RELN: variants seen among roughly 807,000 people sequenced by gnomAD.
The protein encoded by RELN is reelin.
RELN carries 108 observed loss-of-function variants against 427.6 expected under a neutral mutation model. The observed-to-expected ratio is 0.25, with a 90% CI of 0.22 to 0.30. The LOEUF (loss-of-function observed/expected upper bound fraction) is 0.30, where lower values mean the gene tolerates loss of function less well. Ranked by LOEUF, RELN falls within the 10% of genes least tolerant of loss-of-function variation. RELN has a pLI of 1.00. For synonymous variants in RELN, 1,524 were observed against 1,513.4 expected (o/e 1.01, Z -0.16); for missense variants, 3,715 against 4,302.8 (o/e 0.86, Z 3.82).
At chr7:103,846,647 A>G (rs1479157946) in intron 2 of RELN, among the ~76,000 whole-genome samples, 5 of 152,206 alleles carry the variant, frequency 3.3e-5, no homozygotes, top group East Asian at 1.9e-4. Context: ...GACAACCTAC[A>G]AAGTGTGAGA....
chr7:103,881,277 C>T (rs1338381648), intron 2 of RELN, among the ~76,000 whole-genome samples: 1 of 152,144 alleles, frequency 6.6e-6, no homozygotes, highest in Non-Finnish European at 1.5e-5. Context: ...CTCATTACAG[C>T]ATTTGACCCT....
chr7:103,713,812 A>G (rs1174284682), intron 8 of RELN, among the ~76,000 whole-genome samples: 1 of 152,208 alleles, frequency 6.6e-6, no homozygotes, highest in African/African-American at 2.4e-5. Context: ...TCTGTCTCAG[A>G]TAAGACCATT....
At position 103,498,147 on chromosome 7, in the gene RELN, T is replaced by G; in HGVS notation, c.8773A>C (p.Thr2925Pro). The change falls in exon 54 of 65, where the codon ACT (threonine) becomes CCT (proline). Residue 2925 changes from threonine (T) to proline (P), a missense_variant. Thr to Pro is a conservative substitution (Grantham distance 38, BLOSUM62 -1). Around this residue, in one of 4 missense-constraint regions of RELN, gnomAD observed 1,310 missense variants for 1,643.0 expected, o/e 0.80. Coordinates refer to ENST00000428762, the MANE Select transcript of RELN (RefSeq NM_005045.4). ...GTGGATCCCCCAAAATAGAGTGCAG[T>G]GTCCTCGGCAAGAATTCCACACTCA... ...CTECGILAED[T>P]ALYFGGSTVR... 1.2e-6 allele frequency: 2 copies of G among 1,614,146 alleles called. No homozygotes were observed. The highest frequency in any genetic ancestry group is 1.7e-6 in the Non-Finnish European group (2 of 1,179,992).
intron 2 of RELN, among the ~76,000 whole-genome samples, chr7:103,894,336 A>C (rs1273558662): frequency 6.6e-6 from 1 of 152,194 alleles, no homozygotes; most frequent in South Asian, 2.1e-4. Context: ...AGCATGCATC[A>C]TAAATAATTG....
chr7:103,479,899 G>C (rs1275368711), intron 63 of RELN, among the ~76,000 whole-genome samples: 5 of 152,114 alleles, frequency 3.3e-5, no homozygotes, highest in Non-Finnish European at 7.4e-5. Context: ...TTCAGCATGT[G>C]TCCTTGGTGC....
intron 3 of RELN, among the ~76,000 whole-genome samples, chr7:103,790,563 A>T (rs1792134911): frequency 1.3e-5 from 2 of 152,086 alleles, no homozygotes; most frequent in Admixed American, 1.3e-4. Context: ...CTCCAAATTC[A>T]TATGTCATTA....
chr7:103,790,814 C>T (rs1447628477), intron 3 of RELN, among the ~76,000 whole-genome samples: 2 of 151,830 alleles, frequency 1.3e-5, no homozygotes, highest in Non-Finnish European at 2.9e-5. Context: ...ATACAAAAAT[C>T]AGCCAGGTGT....
intron 58 of RELN, among the ~76,000 whole-genome samples, 164 bp downstream of exon 58, chr7:103,491,789 A>G (rs1481116990): frequency 6.8e-6 from 1 of 146,608 alleles, no homozygotes; most frequent in East Asian, 2.0e-4. Flanking sequence ...AGATCCCACC[A>G]TTGCACTCCA....
chr7:103,920,593 T>TTTTTTGA (rs57282777), intron 1 of RELN, among the ~76,000 whole-genome samples: 32 of 129,376 alleles, frequency 2.5e-4, no homozygotes, highest in African/African-American at 8.5e-4. Flanking sequence ...TTTTTTTTTT[T>TTTTTTGA]GAGAGAGTCT....
intron 47 of RELN, 91 bp from the exon 48 acceptor site, chr7:103,522,290 G>T (rs1322749458): frequency 1.1e-5 from 14 of 1,268,230 alleles, no homozygotes; most frequent in Non-Finnish European, 1.5e-5. Flanking sequence ...TCTTTTCCTA[G>T]TCCAAGATGA....
chr7:103,572,127 A>G, intron 31 of RELN, 57 bp downstream of exon 31: 2 of 987,590 alleles, frequency 2.0e-6, no homozygotes, highest in Non-Finnish European at 3.3e-6. Flanking sequence ...CTTTGGGAGG[A>G]TAAAGGACTA....
intron 1 of RELN, among the ~76,000 whole-genome samples, chr7:103,986,092 G>A (rs1038931119): frequency 6.6e-6 from 1 of 152,170 alleles, no homozygotes; most frequent in Non-Finnish European, 1.5e-5. Flanking sequence ...TTCTGACCCT[G>A]AGACCTTTCT....
intron 2 of RELN, among the ~76,000 whole-genome samples, chr7:103,880,496 A>G (rs1165504436): frequency 6.6e-6 from 1 of 152,148 alleles, no homozygotes. Context: ...ATTCAGTGGA[A>G]GAGTCCCTCC....
intron 49 of RELN, among the ~76,000 whole-genome samples, chr7:103,516,711 G>T (rs1039147147): frequency 6.6e-6 from 1 of 152,152 alleles, no homozygotes; most frequent in African/African-American, 2.4e-5. Flanking sequence ...ATCCCATGAA[G>T]CCCTTTAAAC....
rs79610318 is a variant in RELN at position 103,540,471 on chromosome 7, G to A, written c.6672-16C>T. 4,949 of 1,612,534 alleles carry A rather than the reference G, an allele frequency of 3.1e-3. 154 individuals carry two copies. The African/African-American group carries it at 0.06, about 19-fold the overall frequency. On this transcript the variant is annotated splice_polypyrimidine_tract_variant and intron_variant, in intron 43 of 64. Coordinates refer to ENST00000428762, the MANE Select transcript of RELN (RefSeq NM_005045.4). ...CTGCACAAATCTGACATTTGTAAAC[G>A]TTACTGAAGACTTTCACTTCCAAAA...
chr7:103,666,041 TTTTC>T (rs770438325), intron 11 of RELN, among the ~76,000 whole-genome samples: 6 of 151,998 alleles, frequency 3.9e-5, no homozygotes, highest in East Asian at 3.8e-4. Flanking sequence ...TTTTAAAAAG[TTTTC>T]TTTGATTTTT....
intron 2 of RELN, among the ~76,000 whole-genome samples, chr7:103,854,831 G>A (rs975649405): frequency 1.3e-5 from 2 of 152,110 alleles, no homozygotes; most frequent in African/African-American, 4.8e-5. Flanking sequence ...TGAAGATTCC[G>A]GATTTCTGCC....
chr7:103,988,385 G>A lies in RELN; in HGVS notation c.226+746C>T, dbSNP rs1478261322. Among the ~76,000 whole-genome samples, 2 of 152,136 alleles carry A rather than the reference G, an allele frequency of 1.3e-5. No homozygotes were observed. The highest frequency in any genetic ancestry group is 1.3e-4 in the Admixed American group (2 of 15,272). ...TTTAAGATACCTCTAAATTATAAGG[G>A]ATTCCAGCCTCTACCTGGAAATTAA... On this transcript the variant is annotated intron_variant, in intron 1 of 64. Transcript: ENST00000428762. The surrounding 1 kb of genome is among the most constrained non-coding windows in gnomAD (Gnocchi z 4.9).
At chr7:103,909,725 ATATTTT>A (rs1795306140) in intron 2 of RELN, among the ~76,000 whole-genome samples, 3 of 27,506 alleles carry the variant, frequency 1.1e-4, no homozygotes, top group African/African-American at 4.3e-4. Flanking sequence ...TATATTAAAT[ATATTTT>A]TTAATATATA....
Sources: allele counts gnomAD v4.1 joint callset (sites outside exome capture counted in the v4.1 genomes callset), GRCh38; gene constraint gnomAD v4.1.1; regional missense constraint gnomAD v4.1.1; non-coding constraint Gnocchi (gnomAD v3.1); transcripts MANE v1.5; gene names NCBI Gene and HGNC (gene_info 2026-07-23, HGNC 2026-07-21).